SIGLEC9: variants seen among roughly 807,000 people sequenced by gnomAD.
The protein encoded by SIGLEC9 is sialic acid binding Ig like lectin 9.
Under a neutral mutation model 38.3 loss-of-function variants are expected in SIGLEC9, and 26 were observed. The ratio of observed to expected loss-of-function variants is 0.68; its 90% CI spans 0.50 to 0.94. SIGLEC9 has a LOEUF of 0.94. Ranked by LOEUF, SIGLEC9 falls within the 40% of genes least tolerant of loss-of-function variation. SIGLEC9 has a pLI of 0.00. For missense variants in SIGLEC9, 556 were observed against 585.7 expected, an observed-to-expected ratio of 0.95 and a Z score of 0.52; for synonymous variants, 236 against 248.0, an observed-to-expected ratio of 0.95 and a Z score of 0.45.
downstream of SIGLEC9, among the ~76,000 whole-genome samples, chr19:51,132,037 C>T (rs2122858925): frequency 6.6e-6 from 1 of 152,256 alleles, no homozygotes; most frequent in African/African-American, 2.4e-5. Flanking sequence ...GTGTTCAGGT[C>T]CCGGGATTGG....
chr19:51,127,928 A>C, intron 4 of SIGLEC9, 21 bp from the exon 5 acceptor site: 1 of 1,542,184 alleles, frequency 6.5e-7, no homozygotes, highest in Non-Finnish European at 9.0e-7. Flanking sequence ...TATCACAAAA[A>C]TAACTCCCAT....
In SIGLEC9 at chr19:51,128,112, G is replaced by A. The variant is rs2091991041; in HGVS notation, c.1106+73G>A. ...ACAGGCTGGAAGCTGGATCCCTGAA[G>A]CCAGAGCTGGAGGGACCTGGATGGG... On this transcript the variant is annotated intron_variant, in intron 5 of 6. Coordinates refer to ENST00000250360, the MANE Select transcript of SIGLEC9 (RefSeq NM_014441.3). The A allele has an allele frequency of 7.5e-5, 95 of 1,264,770 alleles. 6 individuals are homozygous for A. The South Asian group carries it at 1.2e-3, about 15-fold the overall frequency. 78.3% of individuals were successfully genotyped at this position (1,264,770 alleles called of 1,614,324 possible).
chr19:51,129,403 C>T (rs2092001958), intron 6 of SIGLEC9, among the ~76,000 whole-genome samples: 1 of 151,962 alleles, frequency 6.6e-6, no homozygotes, highest in African/African-American at 2.4e-5. Context: ...TTGTGATCTG[C>T]CCACCTTGGC....
Position 51,126,110 on chromosome 19 carries a change from T to C in SIGLEC9, c.730T>C (p.Phe244Leu), listed in dbSNP as rs749266433. The change falls in exon 3 of 7, where the codon TTC becomes CTC. Residue 244 changes from phenylalanine to leucine, a missense_variant. Coordinates refer to ENST00000250360, the MANE Select transcript of SIGLEC9 (RefSeq NM_014441.3). ...YPPQNLTMTV[F>L]QGDGTVSTVL... ...GCCTCAGAACTTGACCATGACTGTC[T>C]TCCAAGGAGACGGCACAGGTAGGAT... The C allele has an allele frequency of 1.2e-6, 2 of 1,614,022 alleles. No individual in the cohort carries two copies. The highest frequency in any genetic ancestry group is 3.3e-5 in the Admixed American group (2 of 60,022).
chr19:51,127,349 C>T, intron 4 of SIGLEC9, 53 bp downstream of exon 4: 1 of 1,521,472 alleles, frequency 6.6e-7, no homozygotes, highest in Non-Finnish European at 8.9e-7. Flanking sequence ...ACACCTCCTC[C>T]ACCCTTAGTA....
upstream of SIGLEC9, among the ~76,000 whole-genome samples, chr19:51,122,203 GACCC>G (rs960280213): frequency 6.6e-6 from 1 of 152,076 alleles, no homozygotes; most frequent in Non-Finnish European, 1.5e-5. This position sits in a 1 kb window ranked among gnomAD's most constrained non-coding sequence, Gnocchi z 4.1. Context: ...GCGTCAATAT[GACCC>G]ACTCCCCCTT....
chr19:51,129,282 C>T (rs112464488), intron 6 of SIGLEC9, among the ~76,000 whole-genome samples: 2 of 151,960 alleles, frequency 1.3e-5, no homozygotes, highest in African/African-American at 4.8e-5. Flanking sequence ...CCTCAGCCTC[C>T]GGAGTAGCTG....
downstream of SIGLEC9, among the ~76,000 whole-genome samples, chr19:51,131,586 A>T (rs914979537): frequency 2.8e-5 from 4 of 141,310 alleles, no homozygotes; most frequent in Admixed American, 6.8e-5. Context: ...ACTCCGTCTC[A>T]AAAAAAATAA....
upstream of SIGLEC9, chr19:51,124,889 C>G (rs967532184): frequency 2.3e-5 from 35 of 1,523,878 alleles, no homozygotes; most frequent in Non-Finnish European, 3.0e-5. Context: ...GTAGGGCCTC[C>G]TCTAAGTCTT....
In SIGLEC9 at chr19:51,127,009, CCT is replaced by C. The variant is rs747252067; in HGVS notation, c.749-18_749-17del. On this transcript the variant is annotated intron_variant, in intron 3 of 6. Coordinates refer to ENST00000250360, the MANE Select transcript of SIGLEC9 (RefSeq NM_014441.3). The stretch of plus-strand genomic sequence containing the variant: ...CTCCAGATCTATGTATCTCTCTGAC[CCT>C]CTGTCTCTTTTTCTACAGTATCCAC... The C allele has an allele frequency of 8.1e-6, 13 of 1,610,260 alleles. No homozygotes were observed. Among genetic ancestry groups the C allele is most frequent in the Non-Finnish European group, 1.1e-5 (13 of 1,176,840 alleles).
chr19:51,121,027 C>T (rs2091949204), upstream of SIGLEC9, among the ~76,000 whole-genome samples: 1 of 151,946 alleles, frequency 6.6e-6, no homozygotes, highest in Admixed American at 6.6e-5. Flanking sequence ...AAATTTTGGG[C>T]AGAGATGGGT....
At chr19:51,134,097 G>A (rs1243767113), downstream of SIGLEC9, among the ~76,000 whole-genome samples, 1 of 150,568 alleles carries the variant, frequency 6.6e-6, no homozygotes, top group Non-Finnish European at 1.5e-5. Context: ...TAACGTGAAT[G>A]GCACACAGGG....
In SIGLEC9 at chr19:51,125,173, A is replaced by G. The variant is rs779222990; in HGVS notation, c.199A>G (p.Asn67Asp). ...TGGCTACTGGTTCCGGGAAGGGGCC[A>G]ATACAGACCAGGATGCTCCAGTGGC... ...VHGYWFREGA[N>D]TDQDAPVATN... is the part of the protein sequence containing the mutation. Residue 67 changes from asparagine (N) to aspartate (D), a missense_variant, in exon 1 of 7, where the codon AAT becomes GAT. Transcript: ENST00000250360. The G allele has an allele frequency of 6.9e-5, 111 of 1,613,942 alleles. No homozygotes were observed. The highest frequency in any genetic ancestry group is 9.1e-5 in the Non-Finnish European group (107 of 1,180,006).
intron 3 of SIGLEC9, 123 bp from the exon 4 acceptor site, chr19:51,126,907 G>A (rs2091982217): frequency 3.8e-6 from 3 of 788,132 alleles, no homozygotes; most frequent in African/African-American, 1.7e-5. Flanking sequence ...AGTGGTGAAA[G>A]TGTGTGTTTC....
Position 51,127,155 on chromosome 19 carries a change from C to A in SIGLEC9, c.874C>A (p.Leu292Met), listed in dbSNP as rs1454324066. 6.2e-7 allele frequency: 1 copy of A among 1,614,264 alleles called. No homozygotes were observed. Among genetic ancestry groups the A allele is most frequent in the Non-Finnish European group, 8.5e-7 (1 of 1,180,050 alleles). ...CAGGCTGAGCCTGAGCTGGAGAGGC[C>A]TGACCCTGTGCCCCTCACAGCCCTC... ...PARLSLSWRG[L>M]TLCPSQPSNP... Residue 292 changes from leucine to methionine, a missense_variant, in exon 4 of 7, where the codon CTG becomes ATG. By Grantham distance (15) the Leu-to-Met change is conservative. Transcript: ENST00000250360.
At position 51,125,130 on chromosome 19, in the gene SIGLEC9, C is replaced by T. The variant is rs919161675; in HGVS notation, c.156C>T (p.Tyr52=). 3.1e-6 allele frequency: 5 copies of T among 1,613,760 alleles called. No homozygotes were observed. Among genetic ancestry groups the T allele is most frequent in the Non-Finnish European group, 4.2e-6 (5 of 1,179,846 alleles). Residue 52 remains tyrosine, a synonymous_variant, in exon 1 of 7, where the codon TAC becomes TAT. Coordinates refer to ENST00000250360, the MANE Select transcript of SIGLEC9 (RefSeq NM_014441.3). ...CCTACCCCTCGCATGGCTGGATTTA[C>T]CCTGGCCCAGTAGTTCATGGCTACT... is the stretch of plus-strand genomic sequence containing the variant. ...SFSYPSHGWI[Y]PGPVVHGYWF...
At chr19:51,131,255 G>A (rs377055351), downstream of SIGLEC9, among the ~76,000 whole-genome samples, 8 of 152,212 alleles carry the variant, frequency 5.3e-5, no homozygotes, top group East Asian at 1.2e-3. Context: ...GCCCATTTAC[G>A]GCAGCATCAA....
chr19:51,127,417 G>C, intron 4 of SIGLEC9, 121 bp downstream of exon 4: 1 of 1,121,628 alleles, frequency 8.9e-7, no homozygotes, highest in Non-Finnish European at 1.2e-6. Flanking sequence ...TCAGCTGTGA[G>C]GTCTGGAACT....
downstream of SIGLEC9, among the ~76,000 whole-genome samples, chr19:51,131,342 C>T (rs141109871): frequency 0.018 from 2,732 of 152,224 alleles, 73 homozygotes; most frequent in African/African-American, 0.061. Flanking sequence ...AATTCCAGCA[C>T]TTTGGGAGGC....
Sources: allele counts gnomAD v4.1 joint callset (sites outside exome capture counted in the v4.1 genomes callset), GRCh38; gene constraint gnomAD v4.1.1; non-coding constraint Gnocchi (gnomAD v3.1); transcripts MANE v1.5; gene names NCBI Gene and HGNC (gene_info 2026-07-23, HGNC 2026-07-21).